MIA2: variants seen among roughly 807,000 people sequenced by gnomAD.
MIA2 encodes the protein melanoma inhibitory activity protein 2.
Under a neutral mutation model 167.8 loss-of-function variants are expected in MIA2, and 127 were observed. That is an observed-to-expected ratio of 0.76 (90% CI 0.66 to 0.88). MIA2 has a LOEUF of 0.88. Among genes scored for constraint, MIA2 ranks in the 40% least tolerant of loss-of-function variants. The pLI is 0.00. For synonymous variants in MIA2, 552 were observed against 541.9 expected (o/e 1.02, Z -0.26); for missense variants, 1,690 against 1,624.7 (o/e 1.04, Z -0.69).
intron 9 of MIA2, among the ~76,000 whole-genome samples, chr14:39,283,720 C>T (rs751072527): frequency 3.9e-5 from 6 of 152,098 alleles, no homozygotes; most frequent in Non-Finnish European, 7.4e-5. Flanking sequence ...GGTAGTATCT[C>T]ATTGTGTTTT....
In MIA2 at chr14:39,294,422, T is replaced by C. The variant is rs553959590; in HGVS notation, c.2391+351T>C. Among the ~76,000 whole-genome samples, 4 of 152,150 alleles carry C rather than the reference T, an allele frequency of 2.6e-5. No individual in the cohort carries two copies. The East Asian group carries it at 5.8e-4, about 22-fold the overall frequency. ...CATGATGGCCAGGCTGGTCTTGAAC[T>C]CCTGAGCTCAAGTGATCGGCCCACC... On this transcript the variant is annotated intron_variant, in intron 12 of 28. Transcript: ENST00000640607.
At chr14:39,327,416 G>A (rs1316109990) in intron 25 of MIA2, among the ~76,000 whole-genome samples, 5 of 152,056 alleles carry the variant, frequency 3.3e-5, no homozygotes, top group Admixed American at 6.6e-5. Context: ...ACACATAGCT[G>A]TTCAAATTCT....
At chr14:39,279,268 C>A in intron 7 of MIA2, 69 bp from the exon 8 acceptor site, 1 of 1,343,366 alleles carries the variant, frequency 7.4e-7, no homozygotes. Context: ...TGGCAGTAGA[C>A]GTTAAATGAA....
intron 18 of MIA2, among the ~76,000 whole-genome samples, chr14:39,309,963 A>C (rs916563068): frequency 1.3e-5 from 2 of 150,174 alleles, no homozygotes; most frequent in South Asian, 2.1e-4. Flanking sequence ...TTTTTTTATC[A>C]TAAAGGGTAA....
intron 23 of MIA2, among the ~76,000 whole-genome samples, chr14:39,371,195 TTAAA>T (rs1773569435): frequency 6.6e-6 from 1 of 152,246 alleles, no homozygotes; most frequent in Admixed American, 6.5e-5. Flanking sequence ...AAAAGGATTT[TTAAA>T]TATATATGAT....
intron 6 of MIA2, among the ~76,000 whole-genome samples, chr14:39,257,163 T>C (rs1348527918): frequency 1.3e-5 from 2 of 152,204 alleles, no homozygotes; most frequent in Non-Finnish European, 2.9e-5. Flanking sequence ...CTCGTTGATC[T>C]GTCATAATAT....
At chr14:39,375,560 C>T (rs927224293) in intron 23 of MIA2, among the ~76,000 whole-genome samples, 6 of 152,066 alleles carry the variant, frequency 3.9e-5, no homozygotes, top group East Asian at 1.9e-4. Flanking sequence ...AGTCAGACAT[C>T]GTGGCGCATG....
At chr14:39,362,518 A>G (rs1166204876) in intron 23 of MIA2, among the ~76,000 whole-genome samples, 2 of 152,032 alleles carry the variant, frequency 1.3e-5, no homozygotes, top group Non-Finnish European at 2.9e-5. Context: ...TTTCTGTGCT[A>G]TCAGTTGTAA....
At chr14:39,267,086 G>A (rs2055867253) in intron 6 of MIA2, 3 of 1,099,912 alleles carry the variant, frequency 2.7e-6, no homozygotes, top group Middle Eastern at 4.2e-4. Flanking sequence ...ACACGTCTGC[G>A]AAGCTTGCGC....
intron 6 of MIA2, among the ~76,000 whole-genome samples, chr14:39,256,082 CT>C (rs2054804428): frequency 6.6e-6 from 1 of 152,174 alleles, no homozygotes; most frequent in Admixed American, 6.5e-5. Context: ...TCTGGGTTCT[CT>C]TGAAAAAGTA....
intron 9 of MIA2, among the ~76,000 whole-genome samples, chr14:39,286,080 A>C (rs2059734657): frequency 2.6e-5 from 4 of 152,182 alleles, no homozygotes; most frequent in Admixed American, 2.6e-4. Context: ...GCACTTTGGG[A>C]GGCCAAGGCA....
rs370552647 is a variant in MIA2 at position 39,384,792 on chromosome 14, T to A, written c.2249-2093T>A. Among the ~76,000 whole-genome samples, 7 of 150,854 alleles carry A rather than the reference T, an allele frequency of 4.6e-5. No homozygotes were observed. In the East Asian group the frequency reaches 7.8e-4, roughly 17 times the overall value. ...CATACATACATGTGCACGCGCACAC[T>A]CACACACACACACACATCTTATTTT... On this transcript the variant is annotated intron_variant, in intron 23 of 23. Coordinates refer to the MIA2 transcript ENST00000341502.
downstream of MIA2, chr14:39,351,539 CCAAGGTGATGTATTA>C (rs1251579001): frequency 4.6e-5 from 7 of 152,124 alleles, no homozygotes; most frequent in African/African-American, 1.7e-4. Flanking sequence ...ATACTAACCC[CCAAGGTGATGTATTA>C]GGAAGTAGCC....
At chr14:39,249,991 A>C (rs1441900532) in intron 4 of MIA2, among the ~76,000 whole-genome samples, 1 of 152,200 alleles carries the variant, frequency 6.6e-6, no homozygotes, top group Non-Finnish European at 1.5e-5. Flanking sequence ...CCAAATGAGA[A>C]AGGTGTAGGC....
intron 6 of MIA2, among the ~76,000 whole-genome samples, chr14:39,270,343 A>G (rs545244288): frequency 1.8e-4 from 28 of 151,606 alleles, no homozygotes; most frequent in African/African-American, 6.5e-4. Flanking sequence ...CTGGGACTAT[A>G]GGCACTAACC....
rs965438478 is a variant in MIA2, at chr14:39,346,592, A to AT, written c.3778+574dup. 2.0e-5 allele frequency among the ~76,000 whole-genome samples: 3 copies of AT among 151,226 alleles called. No individual in the cohort carries two copies. In the East Asian group the frequency reaches 5.8e-4, roughly 29 times the overall value. ...AGTACACAACGTTAAGAAAATAAAA[A>AT]TTTTTTTTAAAGTCAAGATTTAAAT... On this transcript the variant is annotated intron_variant, in intron 26 of 28. Coordinates refer to ENST00000640607, the MANE Select transcript of MIA2 (RefSeq NM_001329214.4).
At chr14:39,308,258 A>G (rs1178961168) in intron 17 of MIA2, among the ~76,000 whole-genome samples, 191 bp from the exon 18 acceptor site, 1 of 152,288 alleles carries the variant, frequency 6.6e-6, no homozygotes, top group East Asian at 1.9e-4. Flanking sequence ...AATATGTACA[A>G]TTTTTATGTG....
At chr14:39,257,345 T>A (rs1026973432) in intron 6 of MIA2, among the ~76,000 whole-genome samples, 2 of 152,138 alleles carry the variant, frequency 1.3e-5, no homozygotes, top group Admixed American at 6.6e-5. Context: ...TGTAATGCCC[T>A]TTTCTTTTTT....
intron 23 of MIA2, among the ~76,000 whole-genome samples, chr14:39,380,495 G>T (rs182662761): frequency 1.1e-3 from 161 of 151,934 alleles, no homozygotes; most frequent in African/African-American, 3.4e-3. Flanking sequence ...GAGATAGAGA[G>T]CATCCTGGCC....
Sources: allele counts gnomAD v4.1 joint callset (sites outside exome capture counted in the v4.1 genomes callset), GRCh38; gene constraint gnomAD v4.1.1; transcripts MANE v1.5; gene names NCBI Gene and HGNC (gene_info 2026-07-23, HGNC 2026-07-21).